The following RARB variants were observed in gnomAD, a reference collection of about 807,000 sequenced individuals.
The protein encoded by RARB is retinoic acid receptor beta.
RARB carries 17 observed loss-of-function variants against 51.9 expected under a neutral mutation model. That is an observed-to-expected ratio of 0.33 (90% CI 0.22 to 0.49). RARB has a LOEUF of 0.49. RARB is among the 20% of genes least tolerant of loss of function. The probability of loss-of-function intolerance (pLI) is 0.99; values close to 1 mark genes in which losing one functional copy is unlikely to be tolerated. For missense variants in RARB, 369 were observed against 550.8 expected (o/e 0.67, Z 3.30); for synonymous variants, 215 against 195.4 (o/e 1.10, Z -0.84).
intron 2 of RARB, among the ~76,000 whole-genome samples, chr3:25,059,528 T>C (rs1209025530): frequency 4.0e-5 from 6 of 151,888 alleles, no homozygotes; most frequent in South Asian, 2.1e-4. Flanking sequence ...TTCTGTACTT[T>C]GTATTTCATG....
Position 25,278,168 on chromosome 3 carries a change from T to G in RARB, c.178+103593T>G, listed in dbSNP as rs1207463586. On this transcript the variant is annotated intron_variant, in intron 5 of 11. Coordinates refer to the RARB transcript ENST00000383772. ...GTAGCTACAGGTTTTCTTGTACATT[T>G]TGGTGTGGTGTGGTGGTTGGCGGTA... Among the ~76,000 whole-genome samples the G allele has an allele frequency of 2.6e-5, 4 of 152,194 alleles. No homozygotes were observed. The East Asian group carries it at 7.7e-4, about 29-fold the overall frequency.
At chr3:25,050,793 A>C (rs1698317563) in intron 2 of RARB, among the ~76,000 whole-genome samples, 1 of 152,232 alleles carries the variant, frequency 6.6e-6, no homozygotes, top group Non-Finnish European at 1.5e-5. Flanking sequence ...ATCAATATTC[A>C]ACACTTATGA....
At chr3:25,467,762 C>A (rs1695501959) in intron 2 of RARB, among the ~76,000 whole-genome samples, 1 of 152,200 alleles carries the variant, frequency 6.6e-6, no homozygotes, top group African/African-American at 2.4e-5. Context: ...ATGGGCAAGT[C>A]TCTTCTGACA....
chr3:25,358,455 A>G (rs115308335), intron 5 of RARB, among the ~76,000 whole-genome samples: 2,712 of 152,202 alleles, frequency 0.018, 80 homozygotes, highest in African/African-American at 0.058. Context: ...CTCTCTTCCT[A>G]TTTCAAAACC....
At chr3:25,301,173 G>A (rs947850117) in intron 5 of RARB, among the ~76,000 whole-genome samples, 2 of 152,112 alleles carry the variant, frequency 1.3e-5, no homozygotes, top group African/African-American at 4.8e-5. Context: ...TTTCACTTCT[G>A]TTTTATTTAT....
chr3:25,453,872 C>A (rs1209508911), intron 1 of RARB, among the ~76,000 whole-genome samples: 2 of 152,142 alleles, frequency 1.3e-5, no homozygotes, highest in East Asian at 3.9e-4. Context: ...CTCTAGCCAC[C>A]CCAAACCCGG....
In RARB at chr3:25,060,488, T is replaced by C. The variant is rs1040319727; in HGVS notation, c.-328+312T>C. On this transcript the variant is annotated intron_variant, in intron 3 of 11. Coordinates refer to the RARB transcript ENST00000383772. ...GTGAATACTTAGGCTTTATGGACCC[T>C]ACAGCTTCTGTTACAGATACTCAAC... Among the ~76,000 whole-genome samples the C allele has an allele frequency of 1.4e-4, 21 of 151,968 alleles. No individual in the cohort carries two copies. The East Asian group carries it at 4.1e-3, about 29-fold the overall frequency.
intron 5 of RARB, among the ~76,000 whole-genome samples, chr3:25,413,780 G>C (rs1707629609): frequency 6.6e-6 from 1 of 152,098 alleles, no homozygotes; most frequent in South Asian, 2.1e-4. Context: ...ACCAAGGCTT[G>C]TTGGCATTGA....
At chr3:25,440,984 C>CT (rs1174918181) in intron 1 of RARB, among the ~76,000 whole-genome samples, 3 of 150,574 alleles carry the variant, frequency 2.0e-5, no homozygotes, top group African/African-American at 7.3e-5. Context: ...TTTCTGTCCT[C>CT]TATTTTTCCA....
intron 5 of RARB, among the ~76,000 whole-genome samples, chr3:25,244,439 G>T (rs1279001453): frequency 2.0e-5 from 3 of 152,066 alleles, no homozygotes; most frequent in Non-Finnish European, 4.4e-5. Context: ...GCCTTCTCCT[G>T]TGGGTATTTA....
chr3:25,013,124 A>T (rs1275479871), intron 2 of RARB, among the ~76,000 whole-genome samples: 1 of 152,130 alleles, frequency 6.6e-6, no homozygotes, highest in African/African-American at 2.4e-5. Flanking sequence ...CATTTGAATC[A>T]ACAGAGACCT....
chr3:25,572,309 A>T (rs572892687), intron 4 of RARB, among the ~76,000 whole-genome samples: 1 of 152,304 alleles, frequency 6.6e-6, no homozygotes, highest in Non-Finnish European at 1.5e-5. Context: ...CATTGTAATC[A>T]TTATTACATC....
intron 5 of RARB, among the ~76,000 whole-genome samples, chr3:25,378,163 C>G (rs1706520133): frequency 6.6e-6 from 1 of 152,170 alleles, no homozygotes; most frequent in Non-Finnish European, 1.5e-5. Flanking sequence ...AAAATCACCA[C>G]ATTGCATTAG....
chr3:25,201,769 C>T (rs1575215099), intron 5 of RARB, among the ~76,000 whole-genome samples: 1 of 152,298 alleles, frequency 6.6e-6, no homozygotes, highest in African/African-American at 2.4e-5. Flanking sequence ...CCTTGCATCC[C>T]AGGGATGAAG....
At chr3:25,013,582 C>T (rs1317800756) in intron 2 of RARB, among the ~76,000 whole-genome samples, 1 of 152,030 alleles carries the variant, frequency 6.6e-6, no homozygotes, top group Non-Finnish European at 1.5e-5. Flanking sequence ...ACCATTTGCC[C>T]TCATCTCATT....
chr3:24,940,791 G>A (rs1322433178), intron 2 of RARB, among the ~76,000 whole-genome samples: 1 of 152,132 alleles, frequency 6.6e-6, no homozygotes. Context: ...GATTGAGGTC[G>A]GCTTCAGTCC....
intron 4 of RARB, among the ~76,000 whole-genome samples, chr3:25,173,615 A>G (rs989518166): frequency 6.6e-6 from 1 of 152,228 alleles, no homozygotes; most frequent in Non-Finnish European, 1.5e-5. Flanking sequence ...ATTTGGAAGC[A>G]TATCAGTTAG....
At chr3:25,430,236 C>T (rs1225957550) in intron 1 of RARB, among the ~76,000 whole-genome samples, 3 of 152,154 alleles carry the variant, frequency 2.0e-5, no homozygotes, top group South Asian at 2.1e-4. Flanking sequence ...TCAGCTGCTC[C>T]CCAAATGCCT....
At chr3:25,366,319 C>G (rs546461677) in intron 5 of RARB, among the ~76,000 whole-genome samples, 116 of 152,286 alleles carry the variant, frequency 7.6e-4, no homozygotes, top group African/African-American at 2.7e-3. Flanking sequence ...GTCCCATGTT[C>G]CCCCTACTAG....
Sources: gnomAD v4.1 joint callset for allele counts (sites outside exome capture counted in the v4.1 genomes callset) on GRCh38, gnomAD v4.1.1 for gene constraint, MANE v1.5 for transcripts, NCBI Gene and HGNC (gene_info 2026-07-23, HGNC 2026-07-21) for gene names.